TMEM245: variants seen among roughly 807,000 people sequenced by gnomAD.
TMEM245 encodes the protein protein CG-2.
In TMEM245, 69 loss-of-function variants were observed where a neutral mutation model predicts 101.2. The observed-to-expected ratio is 0.68, with a 90% CI of 0.56 to 0.83. The LOEUF (loss-of-function observed/expected upper bound fraction) is 0.83. Among genes scored for constraint, TMEM245 ranks in the 40% least tolerant of loss-of-function variants. The pLI is 0.00. For synonymous variants in TMEM245, 537 were observed against 449.8 expected (o/e 1.19, Z -2.45); for missense variants, 1,075 against 1,092.8 (o/e 0.98, Z 0.23).
intron 8 of TMEM245, among the ~76,000 whole-genome samples, chr9:109,074,454 C>T (rs577257501): frequency 7.1e-4 from 108 of 152,234 alleles, no homozygotes; most frequent in Non-Finnish European, 1.1e-3. Flanking sequence ...AAATATATTA[C>T]GATTCACGAG....
chr9:109,105,186 G>C (rs541372554), intron 3 of TMEM245, among the ~76,000 whole-genome samples: 7 of 152,054 alleles, frequency 4.6e-5, no homozygotes, highest in Middle Eastern at 6.8e-3. Context: ...TTTTTTAAAG[G>C]GGAAAGAATT....
At chr9:109,063,997 C>T (rs1177996639) in intron 10 of TMEM245, among the ~76,000 whole-genome samples, 1 of 152,182 alleles carries the variant, frequency 6.6e-6, no homozygotes, top group African/African-American at 2.4e-5. Flanking sequence ...TACTACACGA[C>T]CACTGGGAAC....
rs1477814480 is a variant in TMEM245 at position 109,016,507 on chromosome 9, T to C, written c.*3953A>G. 6.6e-6 allele frequency: 1 copy of C among 152,104 alleles called. No homozygotes were observed. Among genetic ancestry groups the C allele is most frequent in the African/African-American group, 2.4e-5 (1 of 41,444 alleles). 9.4% of individuals were successfully genotyped at this position (152,104 alleles called of 1,614,324 possible). On this transcript the variant is annotated 3_prime_UTR_variant, in exon 18 of 18. Transcript: ENST00000374586. ...AGACAAGCCACTTAAACCTATGAAT[T>C]TGGGTCTTTCTCTAGAAAGTGACAG...
At position 109,108,554 on chromosome 9, in the gene TMEM245, AC is replaced by A; in HGVS notation, c.595del (p.Val199LeufsTer5). 1 of 1,604,380 alleles carries A rather than the reference AC, an allele frequency of 6.2e-7. No individual in the cohort carries two copies. The highest frequency in any genetic ancestry group is 8.5e-7 in the Non-Finnish European group (1 of 1,176,526). On this transcript the variant is annotated frameshift_variant, in exon 2 of 18. Coordinates refer to ENST00000374586, the MANE Select transcript of TMEM245 (RefSeq NM_032012.4). LOFTEE classifies it high-confidence loss of function. ...GAATGAAACAGTCAACACATAGCCA[AC>A]CACCAACGTCCAGATCTTAAATAAA... ...FSSLWIWTLV[V>X]GYVLTVSFKW...
intron 14 of TMEM245, among the ~76,000 whole-genome samples, chr9:109,044,433 G>A (rs1285872049): frequency 6.6e-6 from 1 of 152,122 alleles, no homozygotes; most frequent in Non-Finnish European, 1.5e-5. Flanking sequence ...AGAAAAGGAG[G>A]AGTGAAGAGT....
At chr9:109,080,781 G>T in intron 8 of TMEM245, 58 bp downstream of exon 8, 1 of 1,099,000 alleles carries the variant, frequency 9.1e-7, no homozygotes, top group Non-Finnish European at 1.3e-6. Flanking sequence ...TTTTAATCCA[G>T]ACTACAATTC....
At position 109,020,357 on chromosome 9, in the gene TMEM245, G is replaced by T; in HGVS notation, c.*103C>A. 8.6e-7 allele frequency: 1 copy of T among 1,164,920 alleles called. No individual in the cohort carries two copies. Among genetic ancestry groups the T allele is most frequent in the Non-Finnish European group, 1.3e-6 (1 of 770,660 alleles). 72.2% of individuals were successfully genotyped at this position (1,164,920 alleles called of 1,614,324 possible). ...CAGGAGGCTTCTGCTTCTTTCCTGG[G>T]TTTTGCTTGCTAGGCACAGCTGGAA... On this transcript the variant is annotated 3_prime_UTR_variant, in exon 18 of 18. Transcript: ENST00000374586.
At chr9:109,084,828 T>C (rs545005078) in intron 7 of TMEM245, among the ~76,000 whole-genome samples, 3 of 152,328 alleles carry the variant, frequency 2.0e-5, no homozygotes, top group South Asian at 4.1e-4. Context: ...TACACAACCA[T>C]GTGAGAGTGT....
intron 12 of TMEM245, among the ~76,000 whole-genome samples, chr9:109,056,748 A>G (rs1033590524): frequency 2.0e-5 from 3 of 152,208 alleles, no homozygotes. Flanking sequence ...CATACAAAAT[A>G]TGGTATGGAA....
At chr9:109,050,770 T>C in intron 12 of TMEM245, 78 bp from the exon 13 acceptor site, 1 of 1,533,452 alleles carries the variant, frequency 6.5e-7, no homozygotes, top group Non-Finnish European at 8.9e-7. Flanking sequence ...GTGCTTTTAA[T>C]ACAGTGTTTT....
Position 109,058,296 on chromosome 9 carries a change from G to C in TMEM245, c.1723-974C>G, listed in dbSNP as rs574676455. On this transcript the variant is annotated intron_variant, in intron 11 of 17. Transcript: ENST00000374586. ...TAGGATTACAGGCGTGAGCCACCAC[G>C]CCCAGCCCTCATTTTTCTTTTTAAT... Among the ~76,000 whole-genome samples, 455 of 151,596 alleles carry C rather than the reference G, an allele frequency of 3.0e-3. 3 individuals are homozygous for C. Among genetic ancestry groups the C allele is most frequent in the Non-Finnish European group, 4.4e-3 (298 of 67,916 alleles).
intron 9 of TMEM245, among the ~76,000 whole-genome samples, chr9:109,067,993 A>G (rs1829218728): frequency 1.3e-5 from 2 of 152,120 alleles, no homozygotes; most frequent in Non-Finnish European, 2.9e-5. Context: ...GCCGACCCCT[A>G]CTATTTCCAA....
In TMEM245 at chr9:109,033,367, A is replaced by G. The variant is rs1046905835; in HGVS notation, c.2534T>C (p.Val845Ala). 4 of 1,614,082 alleles carry G rather than the reference A, an allele frequency of 2.5e-6. No homozygotes were observed. The highest frequency in any genetic ancestry group is 1.3e-5 in the African/African-American group (1 of 75,042). Residue 845 changes from valine (V) to alanine (A), a missense_variant, in exon 17 of 18, where the codon GTG (valine) becomes GCG (alanine). Around this residue, in one of 2 missense-constraint regions of TMEM245, gnomAD observed 267 missense variants for 351.3 expected, o/e 0.76. Transcript: ENST00000374586. ...VASNIYSAML[V>A]SPTNSVPTPN... The stretch of plus-strand genomic sequence containing the variant: ...CGTGGGAACTGAATTCGTGGGACTC[A>G]CTAGCATGGCACTATAGATATTGGA...
intron 10 of TMEM245, 97 bp from the exon 11 acceptor site, chr9:109,060,549 C>T (rs1428627756): frequency 8.9e-6 from 7 of 784,260 alleles, no homozygotes; most frequent in Non-Finnish European, 1.2e-5. Context: ...CCAAAGCAAA[C>T]AAAAATGTTC....
rs141676523 is a variant in TMEM245 at position 109,098,887 on chromosome 9, C to G, written c.800-5296G>C. 5.6e-4 allele frequency among the ~76,000 whole-genome samples: 86 copies of G among 152,236 alleles called. No individual in the cohort carries two copies. In the East Asian group the frequency reaches 0.016, roughly 28 times the overall value. The stretch of plus-strand genomic sequence containing the variant: ...CACCAGGGGGCAGAAACTCAGAGTC[C>G]GGCACACAAGAAAGAGACCACAGGT... On this transcript the variant is annotated intron_variant, in intron 3 of 17. Transcript: ENST00000374586.
intron 8 of TMEM245, among the ~76,000 whole-genome samples, chr9:109,076,601 C>T (rs933066508): frequency 6.6e-6 from 1 of 151,844 alleles, no homozygotes; most frequent in South Asian, 2.1e-4. Flanking sequence ...ACCCCTTCCC[C>T]GCCAAAAAAA....
chr9:109,033,525 AAC>A (rs1342499464), intron 16 of TMEM245, 24 bp from the exon 17 acceptor site: 6 of 1,537,808 alleles, frequency 3.9e-6, no homozygotes, highest in Non-Finnish European at 5.2e-6. Flanking sequence ...CACGACCTTT[AAC>A]ACACAAAAAC....
chr9:109,076,785 G>A (rs977794299), intron 8 of TMEM245, among the ~76,000 whole-genome samples: 3 of 152,104 alleles, frequency 2.0e-5, no homozygotes, highest in African/African-American at 7.2e-5. Context: ...CCACCTCCAA[G>A]GCTCAAGCAG....
intron 3 of TMEM245, among the ~76,000 whole-genome samples, chr9:109,100,306 A>ATGTT (rs902133628): frequency 1.3e-5 from 2 of 152,040 alleles, no homozygotes; most frequent in African/African-American, 2.4e-5. Context: ...TCAAGAACCT[A>ATGTT]TGTTTATTTA....
Sources: allele counts gnomAD v4.1 joint callset (sites outside exome capture counted in the v4.1 genomes callset), GRCh38; gene constraint gnomAD v4.1.1; regional missense constraint gnomAD v4.1.1; transcripts MANE v1.5; gene names NCBI Gene and HGNC (gene_info 2026-07-23, HGNC 2026-07-21).